The following DNAH11 variants were observed in gnomAD, a reference collection of about 807,000 sequenced individuals.
DNAH11 encodes dynein axonemal heavy chain 11.
DNAH11 carries 442 observed loss-of-function variants against 526.0 expected under a neutral mutation model. That is an observed-to-expected ratio of 0.84 (90% confidence interval 0.78 to 0.91). The LOEUF is 0.91. DNAH11 is among the 40% of genes least tolerant of loss of function. DNAH11 has a pLI of 0.00. For synonymous variants in DNAH11, 2,461 were observed against 1,935.9 expected, an observed-to-expected ratio of 1.27 and a Z score of -7.12; for missense variants, 6,989 against 5,448.7, an observed-to-expected ratio of 1.28 and a Z score of -8.90.
intron 32 of DNAH11, among the ~76,000 whole-genome samples, chr7:21,686,158 G>A (rs915005637): frequency 3.9e-5 from 6 of 152,192 alleles, no homozygotes; most frequent in Non-Finnish European, 8.8e-5. Flanking sequence ...TATTTGCATA[G>A]TACTTTCAAT....
intron 73 of DNAH11, among the ~76,000 whole-genome samples, chr7:21,872,516 T>A (rs1158057180): frequency 6.6e-6 from 1 of 152,164 alleles, no homozygotes; most frequent in Non-Finnish European, 1.5e-5. Context: ...ATCAAGGACT[T>A]CTCCAAAGCC....
chr7:21,658,159 T>A (rs1218500856), intron 29 of DNAH11, among the ~76,000 whole-genome samples: 2 of 151,858 alleles, frequency 1.3e-5, no homozygotes, highest in East Asian at 1.9e-4. Flanking sequence ...CTTCAATTTT[T>A]TAAAAAAAAA....
At chr7:21,588,252 A>G (rs1427523202) in intron 10 of DNAH11, 51 bp downstream of exon 10, 6 of 1,565,926 alleles carry the variant, frequency 3.8e-6, no homozygotes, top group Non-Finnish European at 5.2e-6. Flanking sequence ...TAGGCGGATA[A>G]TGACCATCAA....
intron 46 of DNAH11, 90 bp downstream of exon 46, chr7:21,735,934 C>T (rs1230150148): frequency 1.6e-6 from 2 of 1,229,970 alleles, no homozygotes; most frequent in Non-Finnish European, 2.2e-6. Flanking sequence ...ATGCCTTTCC[C>T]TAGAATTTAG....
chr7:21,687,380 A>G lies in DNAH11; in HGVS notation c.5779-2A>G, dbSNP rs1224690716. 1 of 1,601,796 alleles carries G rather than the reference A, an allele frequency of 6.2e-7. No individual in the cohort carries two copies. Among genetic ancestry groups the G allele is most frequent in the Non-Finnish European group, 8.5e-7 (1 of 1,172,972 alleles). On this transcript the variant is annotated splice_acceptor_variant, in intron 33 of 81. Coordinates refer to ENST00000409508, the MANE Select transcript of DNAH11 (RefSeq NM_001277115.2). LOFTEE classifies it high-confidence loss of function. ...TTCTGAGTGCCTCACTTTATCATTTAGTCCATAGGCAATATCTATAAGGGA... is the reference window on the plus strand; with the variant it reads ...TTCTGAGTGCCTCACTTTATCATTTGGTCCATAGGCAATATCTATAAGGGA...
chr7:21,654,987 A>G (rs1781951500), intron 28 of DNAH11, among the ~76,000 whole-genome samples: 1 of 152,170 alleles, frequency 6.6e-6, no homozygotes, highest in Non-Finnish European at 1.5e-5. Flanking sequence ...GAGGCCAGAT[A>G]GATTTTGTTC....
chr7:21,850,714 CAG>C (rs1782600686), intron 66 of DNAH11, among the ~76,000 whole-genome samples: 1 of 136,822 alleles, frequency 7.3e-6, no homozygotes, highest in Non-Finnish European at 1.5e-5. Flanking sequence ...CAAAAGTAAA[CAG>C]AGGTTTAGTG....
rs201257328 is a variant in DNAH11, at chr7:21,658,969, A to G, written c.5266A>G (p.Ile1756Val). The G allele has an allele frequency of 2.1e-4, 333 of 1,610,762 alleles. No homozygotes were observed. The highest frequency in any genetic ancestry group is 2.4e-4 in the Non-Finnish European group (278 of 1,178,544). ...SQIWWTTDVG[I>V]AFSRLEEGYE... ...AATATGGTGGACCACAGATGTAGGAATAGCCTTCAGTAGACTGGAAGAAGG... is the reference window on the plus strand; with the variant it reads ...AATATGGTGGACCACAGATGTAGGAGTAGCCTTCAGTAGACTGGAAGAAGG... The change falls in exon 30 of 82, where the codon ATA becomes GTA. Residue 1756 changes from isoleucine (I) to valine (V), a missense_variant. Coordinates refer to ENST00000409508, the MANE Select transcript of DNAH11 (RefSeq NM_001277115.2).
chr7:21,724,245 TGAA>T (rs1314571412), intron 44 of DNAH11, among the ~76,000 whole-genome samples: 1 of 152,180 alleles, frequency 6.6e-6, no homozygotes, highest in Non-Finnish European at 1.5e-5. Flanking sequence ...TTTTGTAGGG[TGAA>T]GAAGTATCTT....
Position 21,779,000 on chromosome 7 carries a change from C to T in DNAH11, c.9379C>T (p.Leu3127=). ...KARLASQEAE[L]QLRNHDAEAL... ...CAGACTTGCCTCTCAAGAAGCCGAG[C>T]TGCAACTGAGAAATCATGATGCCGA... Residue 3127 remains leucine (L), a synonymous_variant, in exon 57 of 82, where the codon CTG becomes TTG. Coordinates refer to ENST00000409508, the MANE Select transcript of DNAH11 (RefSeq NM_001277115.2). The T allele has an allele frequency of 2.5e-6, 4 of 1,613,366 alleles. No individual in the cohort carries two copies. Among genetic ancestry groups the T allele is most frequent in the African/African-American group, 1.3e-5 (1 of 75,002 alleles).
chr7:21,608,673 G>C (rs1424558468), intron 20 of DNAH11, among the ~76,000 whole-genome samples: 1 of 152,146 alleles, frequency 6.6e-6, no homozygotes, highest in African/African-American at 2.4e-5. Flanking sequence ...ATTTTTTAAA[G>C]ATTATGTCTA....
At chr7:21,763,456 C>T (rs376645980) in intron 54 of DNAH11, among the ~76,000 whole-genome samples, 2 of 151,546 alleles carry the variant, frequency 1.3e-5, no homozygotes, top group East Asian at 1.9e-4. Context: ...GAAGCATCAC[C>T]TCACATAGGT....
intron 54 of DNAH11, among the ~76,000 whole-genome samples, chr7:21,759,226 T>C (rs1786780168): frequency 6.6e-6 from 1 of 152,154 alleles, no homozygotes; most frequent in South Asian, 2.1e-4. Flanking sequence ...GAGAGTTTTG[T>C]TCAGAAAAAG....
intron 55 of DNAH11, among the ~76,000 whole-genome samples, chr7:21,768,226 G>A (rs1012896324): frequency 1.3e-5 from 2 of 152,196 alleles, no homozygotes; most frequent in African/African-American, 4.8e-5. Flanking sequence ...AGAAGGAAAA[G>A]CCATCTGGGT....
At chr7:21,799,293 T>C (rs1302135863) in intron 61 of DNAH11, among the ~76,000 whole-genome samples, 1 of 152,100 alleles carries the variant, frequency 6.6e-6, no homozygotes, top group African/African-American at 2.4e-5. Context: ...CTATAAGTAC[T>C]CTTAATAACC....
At chr7:21,544,933 A>G (rs1782749257) in intron 1 of DNAH11, 73 bp from the exon 2 acceptor site, 3 of 1,311,224 alleles carry the variant, frequency 2.3e-6, no homozygotes, top group Admixed American at 2.7e-5. Context: ...CAATACAGCT[A>G]CAAGTTGGAT....
At chr7:21,658,440 G>A (rs192478875) in intron 29 of DNAH11, among the ~76,000 whole-genome samples, 5 of 152,244 alleles carry the variant, frequency 3.3e-5, no homozygotes, top group Non-Finnish European at 7.4e-5. Context: ...TTTGGCTTCT[G>A]AAAACACTGT....
At chr7:21,813,057 G>A (rs761489504) in intron 63 of DNAH11, among the ~76,000 whole-genome samples, 4 of 152,174 alleles carry the variant, frequency 2.6e-5, no homozygotes, top group Non-Finnish European at 5.9e-5. Context: ...TTGAGGGATG[G>A]GACAGGGAGC....
intron 54 of DNAH11, among the ~76,000 whole-genome samples, chr7:21,755,646 T>G (rs1421227806): frequency 6.6e-6 from 1 of 152,156 alleles, no homozygotes; most frequent in African/African-American, 2.4e-5. Context: ...TATTGGTATG[T>G]TTCCTCTCAG....
Sources: gnomAD v4.1 joint callset for allele counts (sites outside exome capture counted in the v4.1 genomes callset) on GRCh38, gnomAD v4.1.1 for gene constraint, MANE v1.5 for transcripts, NCBI Gene and HGNC (gene_info 2026-07-23, HGNC 2026-07-21) for gene names.